RBPJ: variants seen among roughly 807,000 people sequenced by gnomAD.
RBPJ encodes the protein recombination signal binding protein for immunoglobulin kappa J region, also known as recombining binding protein suppressor of hairless.
Under a neutral mutation model 67.8 loss-of-function variants are expected in RBPJ, and 9 were observed. The ratio of observed to expected loss-of-function variants is 0.13; its 90% CI spans 0.08 to 0.23. RBPJ has a LOEUF of 0.23. Among genes scored for constraint, RBPJ ranks in the 10% least tolerant of loss-of-function variants. RBPJ has a pLI of 1.00. For synonymous variants in RBPJ, 198 were observed against 203.3 expected, an observed-to-expected ratio of 0.97 and a Z score of 0.22; for missense variants, 305 against 595.6, an observed-to-expected ratio of 0.51 and a Z score of 5.08.
intron 1 of RBPJ, among the ~76,000 whole-genome samples, chr4:26,380,171 T>G (rs1278509703): frequency 2.0e-5 from 3 of 152,326 alleles, no homozygotes; most frequent in African/African-American, 7.2e-5. Context: ...AATTACATAT[T>G]TATTTAATAA....
chr4:26,252,077 C>G (rs1210672620), intron 1 of RBPJ, among the ~76,000 whole-genome samples: 1 of 143,878 alleles, frequency 7.0e-6, no homozygotes, highest in East Asian at 2.0e-4. Flanking sequence ...CAAGTTTTAA[C>G]TAGTTTTTTT....
chr4:26,412,797 G>A lies in RBPJ; in HGVS notation c.156-2678G>A, dbSNP rs553923386. ...AACCTCCTGAGAGTGTGCCAACCTA[G>A]GTATTTGACTCTGTGCCATAGTAAG... is the stretch of plus-strand genomic sequence containing the variant. On this transcript the variant is annotated intron_variant, in intron 3 of 10. Coordinates refer to ENST00000355476, the MANE Select transcript of RBPJ (RefSeq NM_015874.6). The A allele has an allele frequency of 3.3e-5, 5 of 152,168 alleles. No individual in the cohort carries two copies. The South Asian group carries it at 1.0e-3, about 32-fold the overall frequency. The allele number at this position is 152,168 out of a possible 1,614,324, so 9.4% of individuals were successfully genotyped here.
chr4:26,214,493 G>GAGGAAGGGAGGGAGGGAAGGAGGA (rs1383485767), intron 1 of RBPJ, among the ~76,000 whole-genome samples: 1 of 81,658 alleles, frequency 1.2e-5, no homozygotes, highest in East Asian at 3.9e-4. Context: ...AGGAGGGAAG[G>GAGGAAGGGAGGGAGGGAAGGAGGA]AGGGAGGGAG....
intron 1 of RBPJ, among the ~76,000 whole-genome samples, chr4:26,337,534 T>C (rs1485127626): frequency 6.6e-6 from 1 of 152,108 alleles, no homozygotes; most frequent in Non-Finnish European, 1.5e-5. Context: ...CAACTTTTTT[T>C]TTTTTTTATA....
At chr4:26,210,331 T>A (rs1344101313) in intron 1 of RBPJ, among the ~76,000 whole-genome samples, 1 of 152,102 alleles carries the variant, frequency 6.6e-6, no homozygotes, top group Non-Finnish European at 1.5e-5. Context: ...AGAATTTCTA[T>A]TTGGTGTGTG....
chr4:26,417,216 A>G (rs1734680887), intron 4 of RBPJ, among the ~76,000 whole-genome samples: 1 of 152,204 alleles, frequency 6.6e-6, no homozygotes, highest in African/African-American at 2.4e-5. Flanking sequence ...ATCCTACTTC[A>G]TTGCTCATTT....
the RBPJ span, among the ~76,000 whole-genome samples, chr4:26,118,564 A>T: frequency 6.6e-6 from 1 of 152,190 alleles, no homozygotes; most frequent in Non-Finnish European, 1.5e-5. Context: ...CTTGCAGGGC[A>T]ATGTGGCAGA....
the RBPJ span, among the ~76,000 whole-genome samples, chr4:26,124,832 T>C: frequency 6.6e-6 from 1 of 152,154 alleles, no homozygotes; most frequent in African/African-American, 2.4e-5. Flanking sequence ...ATGATGTTGA[T>C]TTTTCAGCTT....
chr4:26,304,275 C>T (rs1722164798), intron 1 of RBPJ, among the ~76,000 whole-genome samples: 1 of 152,140 alleles, frequency 6.6e-6, no homozygotes, highest in Non-Finnish European at 1.5e-5. Flanking sequence ...GCATTGCTTC[C>T]ACTTTGGGGC....
intron 1 of RBPJ, among the ~76,000 whole-genome samples, chr4:26,215,437 C>T (rs926365307): frequency 1.5e-4 from 20 of 135,428 alleles, no homozygotes; most frequent in African/African-American, 5.2e-4. Context: ...GGGAAGGGGA[C>T]GACTACATCA....
chr4:26,401,150 GACTA>G (rs1485124187), intron 2 of RBPJ, among the ~76,000 whole-genome samples: 1 of 152,172 alleles, frequency 6.6e-6, no homozygotes, highest in Non-Finnish European at 1.5e-5. Flanking sequence ...CAGTTTGTGG[GACTA>G]ACTTACTTTA....
chr4:26,325,630 T>C (rs1239705504), intron 1 of RBPJ, among the ~76,000 whole-genome samples: 2 of 152,254 alleles, frequency 1.3e-5, no homozygotes, highest in Admixed American at 6.5e-5. Flanking sequence ...ATTCCTGGCA[T>C]GTAGCAAGTG....
intron 2 of RBPJ, among the ~76,000 whole-genome samples, chr4:26,388,558 T>A (rs1446814319): frequency 1.3e-5 from 2 of 152,064 alleles, no homozygotes; most frequent in African/African-American, 4.8e-5. Context: ...TAGTAGAACC[T>A]GAGCTAGAGG....
At chr4:26,191,091 G>T (rs560053766) in intron 1 of RBPJ, among the ~76,000 whole-genome samples, 2 of 138,526 alleles carry the variant, frequency 1.4e-5, no homozygotes, top group South Asian at 2.5e-4. Context: ...GGTCAAGGCT[G>T]CAGTGAGCTA....
At chr4:26,355,138 A>G (rs1370208962) in intron 1 of RBPJ, among the ~76,000 whole-genome samples, 1 of 152,008 alleles carries the variant, frequency 6.6e-6, no homozygotes, top group African/African-American at 2.4e-5. Flanking sequence ...AACCTCCTAG[A>G]CTCAAGCAGT....
chr4:26,244,357 A>T (rs1560226346), intron 1 of RBPJ, among the ~76,000 whole-genome samples: 1 of 133,054 alleles, frequency 7.5e-6, no homozygotes, highest in East Asian at 2.3e-4. Flanking sequence ...GTGTATATAT[A>T]TGTATGCACA....
chr4:26,419,921 A>G (rs1734959923), intron 4 of RBPJ, among the ~76,000 whole-genome samples: 1 of 152,192 alleles, frequency 6.6e-6, no homozygotes, highest in Admixed American at 6.5e-5. Flanking sequence ...CTGGTGATAC[A>G]TATGAATCGT....
chr4:26,155,927 C>G, the RBPJ span, among the ~76,000 whole-genome samples: 1 of 152,100 alleles, frequency 6.6e-6, no homozygotes, highest in African/African-American at 2.4e-5. Context: ...TGTTCCTTTC[C>G]CATTTTATCT....
chr4:26,380,204 TTCAA>T (rs1730173921), intron 1 of RBPJ, among the ~76,000 whole-genome samples: 1 of 152,242 alleles, frequency 6.6e-6, no homozygotes, highest in Non-Finnish European at 1.5e-5. Flanking sequence ...TATTAACCTC[TTCAA>T]TCATATTCAA....
Sources: gnomAD v4.1 joint callset for allele counts (sites outside exome capture counted in the v4.1 genomes callset) on GRCh38, gnomAD v4.1.1 for gene constraint, MANE v1.5 for transcripts, NCBI Gene and HGNC (gene_info 2026-07-23, HGNC 2026-07-21) for gene names.